The following PGF variants were observed in gnomAD, a reference collection of about 807,000 sequenced individuals.
PGF encodes the protein placental growth factor.
PGF carries 11 observed loss-of-function variants against 25.3 expected under a neutral mutation model. The ratio of observed to expected loss-of-function variants is 0.43; its 90% confidence interval spans 0.27 to 0.72. The LOEUF (loss-of-function observed/expected upper bound fraction) is 0.72, where lower values mean the gene tolerates loss of function less well. Among genes scored for constraint, PGF ranks in the 30% least tolerant of loss-of-function variants. The pLI, the probability that PGF is intolerant of heterozygous loss-of-function variation, is 0.18. For missense variants in PGF, 230 were observed against 234.9 expected, an observed-to-expected ratio of 0.98 and a Z score of 0.14; for synonymous variants, 105 against 97.9, an observed-to-expected ratio of 1.07 and a Z score of -0.43.
At position 74,942,649 on chromosome 14, in the gene PGF, T is replaced by C; in HGVS notation, c.*57A>G. 1 of 1,522,882 alleles carries C rather than the reference T, an allele frequency of 6.6e-7. No homozygotes were observed. Among genetic ancestry groups the C allele is most frequent in the Non-Finnish European group, 9.1e-7 (1 of 1,103,364 alleles). 94.3% of individuals were successfully genotyped at this position (1,522,882 alleles called of 1,614,324 possible). A position where few individuals can be genotyped will look rare whatever the true frequency, so the allele number is the denominator to read the frequency against. On this transcript the variant is annotated 3_prime_UTR_variant, in exon 7 of 7. Coordinates refer to ENST00000555567, the MANE Select transcript of PGF (RefSeq NM_002632.6). ...GGTACCAGCAGGAGTCACTGAAGAG[T>C]GTGACGGTAATAAATACACGAGCCG... is the stretch of plus-strand genomic sequence containing the variant.
chr14:74,955,074 C>T lies in PGF; in HGVS notation c.75+94G>A, dbSNP rs1459971498. On this transcript the variant is annotated intron_variant, in intron 1 of 6. Transcript: ENST00000555567. The surrounding 1 kb of genome is among the most constrained non-coding windows in gnomAD (Gnocchi z 4.1). Reference sequence around the variant, plus strand: ...TGTGTGGACATCCTTGGAGTTGCTGCTCCCTGGAGTGGGTCTGTGATTTCA... The same window carrying T: ...TGTGTGGACATCCTTGGAGTTGCTGTTCCCTGGAGTGGGTCTGTGATTTCA... 3 of 604,898 alleles carry T rather than the reference C, an allele frequency of 5.0e-6. No individual in the cohort carries two copies. The highest frequency in any genetic ancestry group is 4.1e-5 in the Admixed American group (1 of 24,292). The allele number at this position is 604,898 out of a possible 1,614,324, so 37.5% of individuals were successfully genotyped here.
In PGF at chr14:74,955,097, T is replaced by C. The variant is rs1180566299; in HGVS notation, c.75+71A>G. ...TGCTCCCTGGAGTGGGTCTGTGATT[T>C]CAGAGTCCCATGCTTCCAGTGCTGG... On this transcript the variant is annotated intron_variant, in intron 1 of 6. Transcript: ENST00000555567. The surrounding 1 kb of genome is among the most constrained non-coding windows in gnomAD (Gnocchi z 4.1). 3.6e-6 allele frequency: 3 copies of C among 842,882 alleles called. No individual in the cohort carries two copies. The highest frequency in any genetic ancestry group is 5.1e-6 in the Non-Finnish European group (3 of 586,630). 52.2% of individuals were successfully genotyped at this position (842,882 alleles called of 1,614,324 possible).
In PGF at chr14:74,949,575, G is replaced by C. The variant is rs778206047; in HGVS notation, c.119-22C>G. 3 of 1,527,026 alleles carry C rather than the reference G, an allele frequency of 2.0e-6. No homozygotes were observed. In the South Asian group the frequency reaches 3.8e-5, roughly 20 times the overall value. The allele number at this position is 1,527,026 out of a possible 1,614,324, so 94.6% of individuals were successfully genotyped here. On this transcript the variant is annotated intron_variant, in intron 2 of 6. Transcript: ENST00000555567. Reference sequence around the variant, plus strand: ...ACCACTGCGAGGAAGCAAGGGGGCTGGGTCAGGCCAGCAGAGACCTGCCCC... The same window carrying C: ...ACCACTGCGAGGAAGCAAGGGGGCTCGGTCAGGCCAGCAGAGACCTGCCCC...
At chr14:74,954,637 G>C (rs570860393) in intron 1 of PGF, among the ~76,000 whole-genome samples, 98 of 152,140 alleles carry the variant, frequency 6.4e-4, no homozygotes, top group African/African-American at 2.3e-3. Flanking sequence ...CAGGACCTCC[G>C]GCCACCCACC....
intron 6 of PGF, among the ~76,000 whole-genome samples, chr14:74,943,953 A>G (rs905472241): frequency 6.6e-6 from 1 of 152,088 alleles, no homozygotes; most frequent in East Asian, 1.9e-4. Context: ...TCAATAAAAG[A>G]CTTCTGAAAA....
At chr14:74,946,667 CTT>C (rs1888745065) in intron 4 of PGF, 2 of 660,654 alleles carry the variant, frequency 3.0e-6, no homozygotes, top group Admixed American at 4.2e-5. Flanking sequence ...CGCTTCTGCA[CTT>C]CTCAGCCTCT....
At chr14:74,948,139 A>C in intron 4 of PGF, 1 of 195,172 alleles carries the variant, frequency 5.1e-6, no homozygotes, top group Non-Finnish European at 1.0e-5. Context: ...CAGACTTGCA[A>C]TGTCTTTGCC....
chr14:74,949,645 G>T lies in PGF; in HGVS notation c.119-92C>A, dbSNP rs1051724475. 43 of 1,036,022 alleles carry T rather than the reference G, an allele frequency of 4.2e-5. No individual in the cohort carries two copies. The Middle Eastern group carries it at 9.9e-4, about 24-fold the overall frequency. The allele number at this position is 1,036,022 out of a possible 1,614,324, so 64.2% of individuals were successfully genotyped here. On this transcript the variant is annotated intron_variant, in intron 2 of 6. Coordinates refer to ENST00000555567, the MANE Select transcript of PGF (RefSeq NM_002632.6). ...TCCCAAGGCCCTGCTGGCCTTCCAG[G>T]TTCAGCCCCCAGCCCCATCCGAGCT...
chr14:74,942,864 G>T, intron 6 of PGF, 131 bp from the exon 7 acceptor site: 2 of 732,342 alleles, frequency 2.7e-6, no homozygotes, highest in Non-Finnish European at 4.3e-6. Context: ...CAGTGCTCCT[G>T]GGTCCCTGCT....
intron 4 of PGF, chr14:74,947,123 AG>A (rs944001932): frequency 4.2e-6 from 2 of 481,182 alleles, no homozygotes; most frequent in African/African-American, 1.9e-5. Context: ...AGCCAGGGCA[AG>A]GTACCAGGGC....
In PGF at chr14:74,949,431, G is replaced by T; in HGVS notation, c.241C>A (p.Leu81Met). 1 of 1,612,180 alleles carries T rather than the reference G, an allele frequency of 6.2e-7. No homozygotes were observed. The highest frequency in any genetic ancestry group is 1.7e-5 in the Admixed American group (1 of 59,766). Reference sequence around the variant, plus strand: ...TCGCCGCAGCAGCCGGTGCAGCGCAGCAGGGAGACACAGGATGGGCTGAAC... The same window carrying T: ...TCGCCGCAGCAGCCGGTGCAGCGCATCAGGGAGACACAGGATGGGCTGAAC... Reference protein sequence around the residue: ...HMFSPSCVSLLRCTGCCGDEN... With the variant: ...HMFSPSCVSLMRCTGCCGDEN... Residue 81 changes from leucine to methionine, a missense_variant, in exon 3 of 7, where the codon CTG becomes ATG. Physicochemically the swap from Leu to Met is conservative, Grantham distance 15 (BLOSUM62 2). Coordinates refer to ENST00000555567, the MANE Select transcript of PGF (RefSeq NM_002632.6).
chr14:74,953,817 C>G lies in PGF; in HGVS notation c.118+87G>C. 7.5e-7 allele frequency: 1 copy of G among 1,338,940 alleles called. No homozygotes were observed. Among genetic ancestry groups the G allele is most frequent in the East Asian group, 2.3e-5 (1 of 43,678 alleles). 82.9% of individuals were successfully genotyped at this position (1,338,940 alleles called of 1,614,324 possible). The stretch of plus-strand genomic sequence containing the variant: ...GCTCTCCCCAGCTTTTATCAACCTG[C>G]ACCCACGCTTCATGCCACACCTGGG... On this transcript the variant is annotated intron_variant, in intron 2 of 6. Coordinates refer to ENST00000555567, the MANE Select transcript of PGF (RefSeq NM_002632.6). The surrounding 1 kb of genome is among the most constrained non-coding windows in gnomAD (Gnocchi z 5.4).
chr14:74,955,146 G>C lies in PGF; in HGVS notation c.75+22C>G. 7.1e-7 allele frequency: 1 copy of C among 1,404,450 alleles called. No homozygotes were observed. The highest frequency in any genetic ancestry group is 9.4e-7 in the Non-Finnish European group (1 of 1,058,408). 87.0% of individuals were successfully genotyped at this position (1,404,450 alleles called of 1,614,324 possible). A position where few individuals can be genotyped will look rare whatever the true frequency, so the allele number is the denominator to read the frequency against. ...GGGATGGGGAGGTCTGGGGAGCCAG[G>C]CTAGGTGGGGGTAGCTCTTACCTGG... On this transcript the variant is annotated intron_variant, in intron 1 of 6. Coordinates refer to ENST00000555567, the MANE Select transcript of PGF (RefSeq NM_002632.6). This position sits in a 1 kb window ranked among gnomAD's most constrained non-coding sequence, Gnocchi z 4.1.
intron 3 of PGF, 109 bp downstream of exon 3, chr14:74,949,248 T>G: frequency 1.1e-6 from 1 of 906,990 alleles, no homozygotes; most frequent in Non-Finnish European, 1.6e-6. Flanking sequence ...GTAGGAGCAC[T>G]GGCCTGGGAG....
Position 74,942,244 on chromosome 14 carries a change from G to A in PGF, c.*462C>T, listed in dbSNP as rs556828158. On this transcript the variant is annotated 3_prime_UTR_variant, in exon 7 of 7. Coordinates refer to ENST00000555567, the MANE Select transcript of PGF (RefSeq NM_002632.6). ...AGGGGGAAGTGGCTGGATCCCCTCC[G>A]CCCGCTGCCGGCCTTCCCACCAGCC... 12 of 175,102 alleles carry A rather than the reference G, an allele frequency of 6.9e-5. No homozygotes were observed. Among genetic ancestry groups the A allele is most frequent in the East Asian group, 3.7e-4 (2 of 5,350 alleles). 10.8% of individuals were successfully genotyped at this position (175,102 alleles called of 1,614,324 possible).
rs2140410171 is a variant in PGF at position 74,953,440 on chromosome 14, A to G, written c.118+464T>C. On this transcript the variant is annotated intron_variant, in intron 2 of 6. Coordinates refer to ENST00000555567, the MANE Select transcript of PGF (RefSeq NM_002632.6). This position sits in a 1 kb window ranked among gnomAD's most constrained non-coding sequence, Gnocchi z 5.4. ...GGGCGCGACTATGTTCTGTCTGTTT[A>G]TAATCAATGGAAACGCATGGTCAGA... is the stretch of plus-strand genomic sequence containing the variant. 6.6e-6 allele frequency among the ~76,000 whole-genome samples: 1 copy of G among 152,296 alleles called. No individual in the cohort carries two copies. Among genetic ancestry groups the G allele is most frequent in the African/African-American group, 2.4e-5 (1 of 41,556 alleles).
Position 74,953,766 on chromosome 14 carries a change from C to A in PGF, c.118+138G>T. 3.4e-6 allele frequency: 3 copies of A among 875,016 alleles called. No homozygotes were observed. Among genetic ancestry groups the A allele is most frequent in the South Asian group, 2.9e-5 (2 of 69,942 alleles). 54.2% of individuals were successfully genotyped at this position (875,016 alleles called of 1,614,324 possible). On this transcript the variant is annotated intron_variant, in intron 2 of 6. Coordinates refer to ENST00000555567, the MANE Select transcript of PGF (RefSeq NM_002632.6). The surrounding 1 kb of genome is among the most constrained non-coding windows in gnomAD (Gnocchi z 5.4). ...GGGATCTCTTAGGCCCTGCCAAAGTCATCACCCAGCATGTCTAGCTTGTAG... is the reference window on the plus strand; with the variant it reads ...GGGATCTCTTAGGCCCTGCCAAAGTAATCACCCAGCATGTCTAGCTTGTAG...
intron 4 of PGF, chr14:74,947,121 C>T: frequency 2.1e-6 from 1 of 480,676 alleles, no homozygotes; most frequent in Non-Finnish European, 3.7e-6. Flanking sequence ...GGAGCCAGGG[C>T]AAGGTACCAG....
At chr14:74,946,656 C>T in intron 4 of PGF, 2 of 646,296 alleles carry the variant, frequency 3.1e-6, no homozygotes, top group Non-Finnish European at 5.7e-6. Context: ...CCCCTGCCAC[C>T]CGCTTCTGCA....
Sources: allele counts gnomAD v4.1 joint callset (sites outside exome capture counted in the v4.1 genomes callset), GRCh38; gene constraint gnomAD v4.1.1; non-coding constraint Gnocchi (gnomAD v3.1); transcripts MANE v1.5; gene names NCBI Gene and HGNC (gene_info 2026-07-23, HGNC 2026-07-21).